CCDC91: variants seen among roughly 807,000 people sequenced by gnomAD.
The protein encoded by CCDC91 is coiled-coil domain-containing protein 91.
A neutral mutation model predicts 63.2 loss-of-function variants in CCDC91; 48 were observed. That is an observed-to-expected ratio of 0.76 (90% CI 0.60 to 0.97). The LOEUF (loss-of-function observed/expected upper bound fraction) is 0.97, where lower values mean the gene tolerates loss of function less well. Ranked by LOEUF, CCDC91 falls within the 50% of genes least tolerant of loss-of-function variation. The probability of loss-of-function intolerance (pLI) is 0.00; values close to 1 mark genes in which losing one functional copy is unlikely to be tolerated. For synonymous variants in CCDC91, 167 were observed against 165.8 expected (o/e 1.01, Z -0.06); for missense variants, 500 against 494.6 (o/e 1.01, Z -0.10).
At chr12:28,234,797 C>T (rs1338171700) in intron 1 of CCDC91, among the ~76,000 whole-genome samples, 1 of 151,612 alleles carries the variant, frequency 6.6e-6, no homozygotes, top group Non-Finnish European at 1.5e-5. Flanking sequence ...TTACAGCTAC[C>T]AATTGTCAGT....
intron 7 of CCDC91, among the ~76,000 whole-genome samples, chr12:28,368,363 C>T (rs1449327073): frequency 6.6e-6 from 1 of 152,174 alleles, no homozygotes; most frequent in Non-Finnish European, 1.5e-5. Context: ...TTTAAAATTA[C>T]TGAGGCTTAT....
At chr12:28,391,489 T>C in intron 8 of CCDC91, 78 bp downstream of exon 8, 1 of 764,012 alleles carries the variant, frequency 1.3e-6, no homozygotes, top group Non-Finnish European at 2.1e-6. Context: ...AACTGTTTAT[T>C]CAGTTCTGTT....
intron 1 of CCDC91, among the ~76,000 whole-genome samples, chr12:28,229,171 T>C (rs1944443921): frequency 6.6e-6 from 1 of 151,926 alleles, no homozygotes; most frequent in Non-Finnish European, 1.5e-5. Flanking sequence ...CTGGGGGTTC[T>C]ACTTTTTTCA....
At chr12:28,478,535 T>G (rs1345217305) in intron 11 of CCDC91, among the ~76,000 whole-genome samples, 1 of 152,070 alleles carries the variant, frequency 6.6e-6, no homozygotes, top group African/African-American at 2.4e-5. Context: ...GCAATACCAT[T>G]CAGGACATAG....
intron 6 of CCDC91, among the ~76,000 whole-genome samples, chr12:28,352,036 A>T (rs1404686022): frequency 6.6e-6 from 1 of 152,212 alleles, no homozygotes; most frequent in African/African-American, 2.4e-5. Context: ...TAAGTGAGTA[A>T]GATGAATTTT....
rs1203128898 is a variant in CCDC91 at position 28,338,555 on chromosome 12, AG to A, written c.577-23878del. Among the ~76,000 whole-genome samples, 6 of 152,222 alleles carry A rather than the reference AG, an allele frequency of 3.9e-5. No homozygotes were observed. In the East Asian group the frequency reaches 1.2e-3, roughly 29 times the overall value. ...ATCATGCAAATAATAGAGAGATACC[AG>A]GGGGCCACCCTACATAAGGCCCTGT... On this transcript the variant is annotated intron_variant, in intron 6 of 12. Transcript: ENST00000536442.
Position 28,391,383 on chromosome 12 carries a change from A to T in CCDC91, c.734A>T (p.His245Leu). The change falls in exon 8 of 13, where the codon CAC (histidine) becomes CTC (leucine). Residue 245 changes from histidine to leucine, a missense_variant. Transcript: ENST00000536442. ...ATTTCTGCAATTGAGAAACAGGCAC[A>T]CAAGTGTGAGGAGTTGCTAAATGCT... ...QYISAIEKQA[H>L]KCEELLNAQH... The T allele has an allele frequency of 6.2e-7, 1 of 1,611,926 alleles. No homozygotes were observed. Among genetic ancestry groups the T allele is most frequent in the Non-Finnish European group, 8.5e-7 (1 of 1,178,122 alleles).
chr12:28,341,691 A>G (rs1434365095), intron 6 of CCDC91, among the ~76,000 whole-genome samples: 11 of 151,664 alleles, frequency 7.3e-5, no homozygotes, highest in Admixed American at 2.0e-4. Context: ...GTTTCCTGCT[A>G]TTATTTCATC....
chr12:28,462,293 C>A (rs1950344700), intron 11 of CCDC91, among the ~76,000 whole-genome samples: 1 of 151,932 alleles, frequency 6.6e-6, no homozygotes, highest in Non-Finnish European at 1.5e-5. Context: ...TGTGCAATGC[C>A]TAATATGTAC....
rs1364205226 is a variant in CCDC91 at position 28,516,028 on chromosome 12, C to A, written c.1215+31863C>A. ...CAGAAGTATTACAAGAGCAATCTGGCATTTTAAGAAGAGAATAGTCTTCTG... is the reference window on the plus strand; with the variant it reads ...CAGAAGTATTACAAGAGCAATCTGGAATTTTAAGAAGAGAATAGTCTTCTG... On this transcript the variant is annotated intron_variant, in intron 12 of 12. Coordinates refer to ENST00000536442, the MANE Select transcript of CCDC91 (RefSeq NM_018318.5). 4.6e-5 allele frequency among the ~76,000 whole-genome samples: 7 copies of A among 152,054 alleles called. No homozygotes were observed. The East Asian group carries it at 1.2e-3, about 25-fold the overall frequency.
chr12:28,520,079 T>C (rs554547937), intron 12 of CCDC91, among the ~76,000 whole-genome samples: 3 of 152,262 alleles, frequency 2.0e-5, no homozygotes, highest in Admixed American at 2.0e-4. Flanking sequence ...ATCCTTTGGG[T>C]ATATGCCCAG....
intron 7 of CCDC91, among the ~76,000 whole-genome samples, chr12:28,363,109 A>C (rs1163327991): frequency 6.6e-6 from 1 of 152,130 alleles, no homozygotes; most frequent in South Asian, 2.1e-4. Context: ...TTTTACAAGT[A>C]ATTAAGGATG....
intron 11 of CCDC91, among the ~76,000 whole-genome samples, chr12:28,460,928 A>C (rs1027312666): frequency 6.6e-6 from 1 of 151,914 alleles, no homozygotes. Flanking sequence ...TGAGAAATGC[A>C]TCATTGGGAG....
chr12:28,255,678 G>A (rs1946398487), intron 1 of CCDC91: 1 of 152,078 alleles, frequency 6.6e-6, no homozygotes. Context: ...TAATGGTAAT[G>A]ATACCATGAT....
chr12:28,304,402 GAAAAAAAA>G (rs57660180), intron 3 of CCDC91, among the ~76,000 whole-genome samples: 1 of 99,274 alleles, frequency 1.0e-5, no homozygotes, highest in Non-Finnish European at 1.9e-5. Flanking sequence ...AAAAAAAAAA[GAAAAAAAA>G]AAAAAGAAAA....
intron 8 of CCDC91, among the ~76,000 whole-genome samples, chr12:28,442,828 A>T (rs1949297507): frequency 6.6e-6 from 1 of 152,036 alleles, no homozygotes; most frequent in Non-Finnish European, 1.5e-5. Flanking sequence ...TTTTATGATC[A>T]AATGTCAAAG....
At chr12:28,403,743 G>A (rs1946771624) in intron 8 of CCDC91, among the ~76,000 whole-genome samples, 2 of 152,026 alleles carry the variant, frequency 1.3e-5, no homozygotes, top group South Asian at 4.1e-4. Flanking sequence ...GTTTCTTCTT[G>A]TGTGTTTCAG....
At chr12:28,323,906 G>A (rs562617532) in intron 6 of CCDC91, among the ~76,000 whole-genome samples, 1 of 151,910 alleles carries the variant, frequency 6.6e-6, no homozygotes. Flanking sequence ...AGCATAGGAT[G>A]TGAGGGGAAG....
intron 1 of CCDC91, among the ~76,000 whole-genome samples, chr12:28,227,281 C>T (rs1306658640): frequency 6.6e-6 from 1 of 152,052 alleles, no homozygotes; most frequent in Non-Finnish European, 1.5e-5. Context: ...TATTTTCCAC[C>T]TTCTTGATAG....
Sources: allele counts gnomAD v4.1 joint callset (sites outside exome capture counted in the v4.1 genomes callset), GRCh38; gene constraint gnomAD v4.1.1; transcripts MANE v1.5; gene names NCBI Gene and HGNC (gene_info 2026-07-23, HGNC 2026-07-21).